Variants in ZYG11A observed in about 807,000 individuals in gnomAD.
The protein encoded by ZYG11A is protein zyg-11 homolog A.
ZYG11A carries 62 observed loss-of-function variants against 77.2 expected under a neutral mutation model. The ratio of observed to expected loss-of-function variants is 0.80; its 90% confidence interval spans 0.65 to 0.99. The LOEUF (loss-of-function observed/expected upper bound fraction) is 0.99. Ranked by LOEUF, ZYG11A falls within the 50% of genes least tolerant of loss-of-function variation. The pLI is 0.00. For synonymous variants in ZYG11A, 315 were observed against 324.6 expected (o/e 0.97, Z 0.32); for missense variants, 828 against 896.8 (o/e 0.92, Z 0.98).
intron 13 of ZYG11A, among the ~76,000 whole-genome samples, 176 bp downstream of exon 13, chr1:52,887,229 A>C (rs1646468353): frequency 6.6e-6 from 1 of 152,188 alleles, no homozygotes; most frequent in Non-Finnish European, 1.5e-5. Flanking sequence ...CAGAATTAGT[A>C]ATCTATTTGG....
At chr1:52,870,041 C>T (rs1447770140) in intron 8 of ZYG11A, among the ~76,000 whole-genome samples, 1 of 145,994 alleles carries the variant, frequency 6.8e-6, no homozygotes, top group African/African-American at 2.6e-5. Context: ...GGCGGCCAGG[C>T]AGAGACGCTC....
intron 12 of ZYG11A, among the ~76,000 whole-genome samples, chr1:52,886,453 A>T (rs1368782541): frequency 1.3e-5 from 2 of 152,200 alleles, no homozygotes; most frequent in Admixed American, 6.5e-5. Flanking sequence ...AATTTCTTAA[A>T]TAATAGCTTC....
intron 12 of ZYG11A, 36 bp downstream of exon 12, chr1:52,885,930 T>TC: frequency 6.9e-7 from 1 of 1,457,660 alleles, no homozygotes; most frequent in South Asian, 1.3e-5. Context: ...TTCTTTTTTT[T>TC]TTCTTCTTTT....
rs376865519 is a variant in ZYG11A at position 52,877,834 on chromosome 1, A to G, written c.1695A>G (p.Gln565=). ...ATCAAGGATTGCAAATCTTCATCCA[A>G]GTCTTGGAGGTGGGAAGACAGGATT... ...IENQGLQIFI[Q]VLETFSESAI... is the part of the protein sequence containing the mutation. Residue 565 remains glutamine (Q), a synonymous_variant, in exon 9 of 14, where the codon CAA becomes CAG. Coordinates refer to ENST00000371528, the MANE Select transcript of ZYG11A (RefSeq NM_001004339.3). 7 of 1,551,368 alleles carry G rather than the reference A, an allele frequency of 4.5e-6. No individual in the cohort carries two copies. The African/African-American group carries it at 8.2e-5, about 18-fold the overall frequency.
intron 8 of ZYG11A, among the ~76,000 whole-genome samples, chr1:52,869,774 G>A (rs1006999659): frequency 4.6e-5 from 7 of 151,974 alleles, no homozygotes; most frequent in South Asian, 2.1e-4. Context: ...CCTCCCAGAC[G>A]GGGTGGTGGC....
At position 52,867,507 on chromosome 1, in the gene ZYG11A, T is replaced by G. The variant is rs768365064; in HGVS notation, c.1392-32T>G. On this transcript the variant is annotated intron_variant, in intron 6 of 13. Transcript: ENST00000371528. ...TGTGTAGTTTCACAAACTTTATATA[T>G]AATTGTGAGAAAAATAAATACTGCT... 2.6e-5 allele frequency: 37 copies of G among 1,402,036 alleles called. No individual in the cohort carries two copies. In the South Asian group the frequency reaches 4.2e-4, roughly 16 times the overall value. The allele number at this position is 1,402,036 out of a possible 1,614,324, so 86.8% of individuals were successfully genotyped here.
Position 52,855,747 on chromosome 1 carries a change from C to G in ZYG11A, c.256+1117C>G, listed in dbSNP as rs377317426. Among the ~76,000 whole-genome samples the G allele has an allele frequency of 1.2e-4, 18 of 152,120 alleles. No homozygotes were observed. In the East Asian group the frequency reaches 1.3e-3, roughly 11 times the overall value. On this transcript the variant is annotated intron_variant, in intron 2 of 13. Transcript: ENST00000371528. The stretch of plus-strand genomic sequence containing the variant: ...GCAACATGTATATCTGTACTCGTTC[C>G]TTTTTATAGTCGCATATTCTACTGT...
chr1:52,859,667 CTTTTTTTTTTTTT>C (rs60756718), intron 3 of ZYG11A, among the ~76,000 whole-genome samples: 9 of 42,940 alleles, frequency 2.1e-4, no homozygotes, highest in African/African-American at 6.1e-4. Context: ...TGTGTATTGC[CTTTTTTTTTTTTT>C]TTTTTTTTTT....
In ZYG11A at chr1:52,857,451, A is replaced by G; in HGVS notation, c.710A>G (p.Tyr237Cys). The G allele has an allele frequency of 6.4e-7, 1 of 1,552,204 alleles. No homozygotes were observed. Among genetic ancestry groups the G allele is most frequent in the Non-Finnish European group, 8.7e-7 (1 of 1,147,114 alleles). ...KDRLKSLTMHYLKCLAMTKSQ... is the reference protein window; with the variant it reads ...KDRLKSLTMHCLKCLAMTKSQ... ...CGATTGAAGTCTCTCACAATGCACT[A>G]TCTGAAATGCCTGGCCATGACCAAA... Residue 237 changes from tyrosine (Y) to cysteine (C), a missense_variant, in exon 3 of 14, where the codon TAT becomes TGT. Physicochemically the swap from Tyr to Cys is radical, Grantham distance 194 (BLOSUM62 -2). Transcript: ENST00000371528.
At chr1:52,843,688 C>CTTTTTTT (rs71044427) in intron 1 of ZYG11A, among the ~76,000 whole-genome samples, 23 of 130,504 alleles carry the variant, frequency 1.8e-4, no homozygotes, top group African/African-American at 3.3e-4. Context: ...TTCTTTCTTT[C>CTTTTTTT]TTTTTTTTTT....
intron 13 of ZYG11A, among the ~76,000 whole-genome samples, chr1:52,892,307 C>T (rs1158049810): frequency 2.0e-5 from 3 of 148,476 alleles, no homozygotes; most frequent in Admixed American, 2.0e-4. Context: ...GCGGGCGGAT[C>T]ATGAGGTCAG....
chr1:52,866,284 A>G (rs1309804565), intron 5 of ZYG11A, among the ~76,000 whole-genome samples: 2 of 152,010 alleles, frequency 1.3e-5, no homozygotes, highest in African/African-American at 2.4e-5. Flanking sequence ...GGTTTTCCTC[A>G]TTTATTTCTA....
At position 52,846,908 on chromosome 1, in the gene ZYG11A, C is replaced by T. The variant is rs549333369; in HGVS notation, c.90+3935C>T. 5.3e-5 allele frequency among the ~76,000 whole-genome samples: 8 copies of T among 150,534 alleles called. No individual in the cohort carries two copies. In the East Asian group the frequency reaches 1.2e-3, roughly 22 times the overall value. ...TGTCGCCCAGGCTGGAGTGCAGTGG[C>T]GCAATGTCAGCTCACTGCAAGCTCC... is the stretch of plus-strand genomic sequence containing the variant. On this transcript the variant is annotated intron_variant, in intron 1 of 13. Coordinates refer to ENST00000371528, the MANE Select transcript of ZYG11A (RefSeq NM_001004339.3).
intron 8 of ZYG11A, among the ~76,000 whole-genome samples, 177 bp downstream of exon 8, chr1:52,867,954 A>ATTTCT (rs1553122788): frequency 2.2e-5 from 2 of 92,582 alleles, no homozygotes; most frequent in Non-Finnish European, 4.2e-5. Context: ...GTACCTCCAC[A>ATTTCT]TTTCTTTTTT....
intron 10 of ZYG11A, among the ~76,000 whole-genome samples, chr1:52,878,494 T>G (rs1398456580): frequency 6.6e-6 from 1 of 152,226 alleles, no homozygotes; most frequent in Non-Finnish European, 1.5e-5. Context: ...AGGTTATATA[T>G]TTAAGCCCAG....
intron 11 of ZYG11A, among the ~76,000 whole-genome samples, chr1:52,882,529 C>T (rs1416862499): frequency 1.3e-5 from 2 of 152,168 alleles, no homozygotes; most frequent in Admixed American, 6.6e-5. Flanking sequence ...TCTTGGTTTA[C>T]TCCCACCTTT....
chr1:52,868,294 T>C (rs1486523947), intron 8 of ZYG11A, among the ~76,000 whole-genome samples: 1 of 152,120 alleles, frequency 6.6e-6, no homozygotes, highest in Non-Finnish European at 1.5e-5. Context: ...AAAATGCATA[T>C]ACTGTAGTTT....
At chr1:52,879,569 A>G (rs977252467) in intron 10 of ZYG11A, among the ~76,000 whole-genome samples, 1 of 151,844 alleles carries the variant, frequency 6.6e-6, no homozygotes, top group Non-Finnish European at 1.5e-5. Context: ...ATTATTTATA[A>G]TGTAATCAAT....
chr1:52,846,814 T>C (rs1645594100), intron 1 of ZYG11A, among the ~76,000 whole-genome samples: 1 of 151,944 alleles, frequency 6.6e-6, no homozygotes, highest in Non-Finnish European at 1.5e-5. Flanking sequence ...ACCAAAAAGC[T>C]TGGGAGCCAC....
Sources: allele counts gnomAD v4.1 joint callset (sites outside exome capture counted in the v4.1 genomes callset), GRCh38; gene constraint gnomAD v4.1.1; transcripts MANE v1.5; gene names NCBI Gene and HGNC (gene_info 2026-07-23, HGNC 2026-07-21).